Variants in MTHFD2L observed in about 807,000 individuals in gnomAD.
MTHFD2L encodes the protein methylenetetrahydrofolate dehydrogenase (NADP+ dependent) 2 like.
In MTHFD2L, 29 loss-of-function variants were observed where a neutral mutation model predicts 34.9. The ratio of observed to expected loss-of-function variants is 0.83; its 90% CI spans 0.62 to 1.13. MTHFD2L has a LOEUF of 1.13. Ranked by LOEUF, MTHFD2L falls within the 50% of genes most tolerant of loss-of-function variation. MTHFD2L has a pLI of 0.00. For missense variants in MTHFD2L, 481 were observed against 446.5 expected (o/e 1.08, Z -0.70); for synonymous variants, 167 against 155.7 (o/e 1.07, Z -0.54).
chr4:74,176,567 T>C (rs989811423), intron 3 of MTHFD2L, among the ~76,000 whole-genome samples: 5 of 152,068 alleles, frequency 3.3e-5, no homozygotes, highest in African/African-American at 1.2e-4. Flanking sequence ...GTTTGATGAT[T>C]GTAAATGTGC....
intron 1 of MTHFD2L, among the ~76,000 whole-genome samples, chr4:74,138,978 T>C (rs1000330932): frequency 6.6e-6 from 1 of 152,202 alleles, no homozygotes; most frequent in Non-Finnish European, 1.5e-5. Flanking sequence ...GTGAGCTGAG[T>C]TATAAGCCCA....
At chr4:74,260,083 T>A (rs1202908511) in intron 6 of MTHFD2L, among the ~76,000 whole-genome samples, 1 of 152,226 alleles carries the variant, frequency 6.6e-6, no homozygotes, top group East Asian at 1.9e-4. Flanking sequence ...ACTGTAGTTC[T>A]GGCTCTGCCA....
rs1487335493 is a variant in MTHFD2L at position 74,246,107 on chromosome 4, G to T, written c.805+20713G>T. Among the ~76,000 whole-genome samples the T allele has an allele frequency of 2.1e-5, 3 of 140,242 alleles. No homozygotes were observed. The East Asian group carries it at 6.1e-4, about 28-fold the overall frequency. 92.0% of individuals were successfully genotyped at this position (140,242 alleles called of 152,430 possible). ...ACAGTCCCACCAACAGTGTAAAAGT[G>T]TTCCTATTTCTCCACATCCTCTCCA... On this transcript the variant is annotated intron_variant, in intron 6 of 7. Coordinates refer to ENST00000325278, the MANE Select transcript of MTHFD2L (RefSeq NM_001144978.3).
chr4:74,254,987 T>A (rs1560534643), intron 6 of MTHFD2L, among the ~76,000 whole-genome samples: 1 of 151,474 alleles, frequency 6.6e-6, no homozygotes, highest in African/African-American at 2.4e-5. Flanking sequence ...ATACAAAAAT[T>A]AGCCAAGCAT....
chr4:74,244,273 G>A (rs555620367), intron 6 of MTHFD2L, among the ~76,000 whole-genome samples: 8 of 152,292 alleles, frequency 5.3e-5, no homozygotes, highest in East Asian at 1.9e-4. Flanking sequence ...AGATGAGTGG[G>A]TAGTCTTCAC....
chr4:74,139,719 A>G (rs1361117374), intron 1 of MTHFD2L, among the ~76,000 whole-genome samples: 2 of 152,094 alleles, frequency 1.3e-5, no homozygotes. Flanking sequence ...ATTCTGGGAT[A>G]TTGTTGGTGA....
intron 6 of MTHFD2L, among the ~76,000 whole-genome samples, chr4:74,261,394 A>G (rs1744667423): frequency 6.6e-6 from 1 of 152,094 alleles, no homozygotes. Context: ...TAATAAAACT[A>G]TAAAATTCAT....
chr4:74,207,433 T>C (rs1472499189), intron 5 of MTHFD2L, among the ~76,000 whole-genome samples: 1 of 152,150 alleles, frequency 6.6e-6, no homozygotes, highest in Non-Finnish European at 1.5e-5. Context: ...CTGGTGTTTT[T>C]CTTGATTTCA....
intron 7 of MTHFD2L, among the ~76,000 whole-genome samples, 174 bp downstream of exon 7, chr4:74,281,724 T>G (rs946533215): frequency 3.3e-5 from 5 of 152,076 alleles, no homozygotes; most frequent in African/African-American, 1.2e-4. Flanking sequence ...TCCCTTCCTC[T>G]CTCTTTCCCT....
intron 3 of MTHFD2L, among the ~76,000 whole-genome samples, chr4:74,197,340 T>C (rs1028696395): frequency 6.6e-6 from 1 of 152,190 alleles, no homozygotes; most frequent in African/African-American, 2.4e-5. Flanking sequence ...AAACAGGAAA[T>C]GTATTTATTT....
At chr4:74,118,654 C>A (rs577334698), upstream of MTHFD2L, among the ~76,000 whole-genome samples, 12 of 152,290 alleles carry the variant, frequency 7.9e-5, no homozygotes, top group African/African-American at 2.4e-4. Context: ...AGAGATGCAA[C>A]CACACAGAGA....
intron 1 of MTHFD2L, among the ~76,000 whole-genome samples, chr4:74,150,792 T>TAA (rs1252662336): frequency 6.6e-6 from 1 of 151,958 alleles, no homozygotes; most frequent in Non-Finnish European, 1.5e-5. Flanking sequence ...TATATATATA[T>TAA]AAATATATAC....
intron 1 of MTHFD2L, among the ~76,000 whole-genome samples, chr4:74,146,183 T>G (rs1723582960): frequency 6.6e-6 from 1 of 152,146 alleles, no homozygotes; most frequent in Non-Finnish European, 1.5e-5. Flanking sequence ...TGGCTAAAAT[T>G]TAAAAAGATT....
upstream of MTHFD2L, chr4:74,157,668 A>C (rs1560419627): frequency 6.6e-6 from 3 of 457,058 alleles, no homozygotes; most frequent in Non-Finnish European, 1.3e-5. Context: ...CTTCCAAGGA[A>C]TCTCACAAAG....
In MTHFD2L at chr4:74,256,157, G is replaced by A. The variant is rs541655498; in HGVS notation, c.806-25268G>A. 2.0e-5 allele frequency among the ~76,000 whole-genome samples: 3 copies of A among 152,224 alleles called. No homozygotes were observed. In the East Asian group the frequency reaches 5.8e-4, roughly 29 times the overall value. On this transcript the variant is annotated intron_variant, in intron 6 of 7. Transcript: ENST00000325278. ...ATTCTTTTTTCCCCCAGCCTCACCA[G>A]CATCTGTTGTCTTGATTTTTTCATA...
chr4:74,167,769 C>G (rs781093437), intron 1 of MTHFD2L, among the ~76,000 whole-genome samples: 8 of 152,212 alleles, frequency 5.3e-5, no homozygotes, highest in Non-Finnish European at 1.2e-4. Flanking sequence ...GCGCGACTCA[C>G]TAAGCACAGT....
chr4:74,166,358 C>T (rs1030789474), intron 1 of MTHFD2L, among the ~76,000 whole-genome samples: 1 of 152,216 alleles, frequency 6.6e-6, no homozygotes, highest in Non-Finnish European at 1.5e-5. Flanking sequence ...TGTCTTCCCT[C>T]TCTGTCTTCA....
chr4:74,164,092 C>A (rs487335), intron 1 of MTHFD2L, among the ~76,000 whole-genome samples: 1 of 152,150 alleles, frequency 6.6e-6, no homozygotes, highest in Non-Finnish European at 1.5e-5. Context: ...AGCCAGGATG[C>A]GTCTTGATCT....
intron 6 of MTHFD2L, among the ~76,000 whole-genome samples, chr4:74,273,801 T>C (rs1166574330): frequency 6.6e-6 from 1 of 152,160 alleles, no homozygotes; most frequent in Non-Finnish European, 1.5e-5. Flanking sequence ...ACCTCCTGCC[T>C]CAGCCCCCCA....
Sources: gnomAD v4.1 joint callset for allele counts (sites outside exome capture counted in the v4.1 genomes callset) on GRCh38, gnomAD v4.1.1 for gene constraint, MANE v1.5 for transcripts, NCBI Gene and HGNC (gene_info 2026-07-23, HGNC 2026-07-21) for gene names.